The following TMEM263 variants were observed in gnomAD, a reference collection of about 807,000 sequenced individuals.
TMEM263 encodes UPF0444 transmembrane protein C12orf23.
In TMEM263, 5 loss-of-function variants were observed where a neutral mutation model predicts 8.6. The observed-to-expected ratio is 0.58, with a 90% CI of 0.31 to 1.23. The LOEUF is 1.23. Among genes scored for constraint, TMEM263 ranks in the 50% most tolerant of loss-of-function variants. The probability of loss-of-function intolerance (pLI) is 0.07; values close to 1 mark genes in which losing one functional copy is unlikely to be tolerated. For missense variants in TMEM263, 104 were observed against 138.8 expected (o/e 0.75, Z 1.26); for synonymous variants, 50 against 47.9 (o/e 1.04, Z -0.18).
At chr12:106,967,266 A>G (rs753910019) in intron 3 of TMEM263, 86 bp downstream of exon 3, 3 of 925,690 alleles carry the variant, frequency 3.2e-6, no homozygotes, top group Admixed American at 6.0e-5. Flanking sequence ...ATTTTATTTT[A>G]TTTTTTTTTG....
At chr12:106,962,681 A>T (rs952328332) in intron 2 of TMEM263, among the ~76,000 whole-genome samples, 1 of 152,082 alleles carries the variant, frequency 6.6e-6, no homozygotes, top group Non-Finnish European at 1.5e-5. Context: ...TGCCTGCTGA[A>T]CAAGTGTGGA....
At chr12:106,964,116 C>G (rs1023986795) in intron 2 of TMEM263, among the ~76,000 whole-genome samples, 1 of 152,138 alleles carries the variant, frequency 6.6e-6, no homozygotes, top group Non-Finnish European at 1.5e-5. Flanking sequence ...TGTCTGTCCT[C>G]TTGAAATTAA....
chr12:106,959,695 T>C (rs1951743998), intron 2 of TMEM263, among the ~76,000 whole-genome samples: 1 of 152,216 alleles, frequency 6.6e-6, no homozygotes, highest in African/African-American at 2.4e-5. Flanking sequence ...AGGATAGTAA[T>C]ATAAGAAGTA....
intron 1 of TMEM263, 114 bp downstream of exon 1, chr12:106,956,179 C>A: frequency 4.1e-6 from 2 of 491,152 alleles, no homozygotes; most frequent in Non-Finnish European, 5.3e-6. Context: ...GCCTGGCTGC[C>A]CAGCGGGGCC....
Position 106,967,366 on chromosome 12 carries a change from C to G in TMEM263, c.64+186C>G, listed in dbSNP as rs567085561. 53 of 430,186 alleles carry G rather than the reference C, an allele frequency of 1.2e-4. No homozygotes were observed. The South Asian group carries it at 1.7e-3, about 14-fold the overall frequency. The allele number at this position is 430,186 out of a possible 1,614,324, so 26.6% of individuals were successfully genotyped here. A position where few individuals can be genotyped will look rare whatever the true frequency, so the allele number is the denominator to read the frequency against. ...CTCCGCTTCCTGGGTTCAAGCAGTT[C>G]TCCTGCCTCAGCCTCCCAAGTAGCT... On this transcript the variant is annotated intron_variant, in intron 3 of 3. Coordinates refer to ENST00000280756, the MANE Select transcript of TMEM263 (RefSeq NM_152261.4).
Position 106,971,402 on chromosome 12 carries a change from T to C in TMEM263, c.*11T>C. On this transcript the variant is annotated 3_prime_UTR_variant, in exon 4 of 4. Transcript: ENST00000280756. ...GACAAATCTGACTGAAATATAGAGA[T>C]ACACTTGCGCTCCACAGCACTGTAA... 1 of 1,585,726 alleles carries C rather than the reference T, an allele frequency of 6.3e-7. No individual in the cohort carries two copies.
At chr12:106,957,454 GA>G (rs1172519440) in intron 2 of TMEM263, among the ~76,000 whole-genome samples, 1 of 150,742 alleles carries the variant, frequency 6.6e-6, no homozygotes. Flanking sequence ...GCATGGGTTT[GA>G]TTTTTTTTTT....
At chr12:106,961,353 A>G (rs1465340443) in intron 2 of TMEM263, among the ~76,000 whole-genome samples, 1 of 147,102 alleles carries the variant, frequency 6.8e-6, no homozygotes, top group East Asian at 2.0e-4. Context: ...TGGGATTACA[A>G]TATTTTCTTT....
At chr12:106,960,864 C>G (rs1247227359) in intron 2 of TMEM263, among the ~76,000 whole-genome samples, 1 of 152,170 alleles carries the variant, frequency 6.6e-6, no homozygotes, top group Admixed American at 6.5e-5. Context: ...CCTAGGCACA[C>G]CACTGCCTAT....
chr12:106,964,220 A>T (rs958680762), intron 2 of TMEM263, among the ~76,000 whole-genome samples: 4 of 152,208 alleles, frequency 2.6e-5, no homozygotes, highest in African/African-American at 9.6e-5. Flanking sequence ...TTATTTTGGA[A>T]TTTGTTAAAT....
At chr12:106,962,963 G>A (rs1306814950) in intron 2 of TMEM263, among the ~76,000 whole-genome samples, 1 of 152,154 alleles carries the variant, frequency 6.6e-6, no homozygotes, top group Non-Finnish European at 1.5e-5. Context: ...ATTTTAATTG[G>A]GAGAGACCCA....
At chr12:106,956,134 C>T (rs1235974750) in intron 1 of TMEM263, 69 bp downstream of exon 1, 9 of 837,598 alleles carry the variant, frequency 1.1e-5, no homozygotes, top group Non-Finnish European at 1.3e-5. Flanking sequence ...CGCCCTCTGC[C>T]GTCGGCGCCC....
Position 106,972,633 on chromosome 12 carries a change from T to C in TMEM263, c.*1242T>C, listed in dbSNP as rs1369864471. On this transcript the variant is annotated 3_prime_UTR_variant, in exon 4 of 4. Coordinates refer to ENST00000280756, the MANE Select transcript of TMEM263 (RefSeq NM_152261.4). ...GTCAGGGATTTGAATTGTTTGATTA[T>C]GGATGATAAATGTGTCATATCTTAT... 6.6e-6 allele frequency: 1 copy of C among 152,152 alleles called. No homozygotes were observed. Among genetic ancestry groups the C allele is most frequent in the African/African-American group, 2.4e-5 (1 of 41,458 alleles). 9.4% of individuals were successfully genotyped at this position (152,152 alleles called of 1,614,324 possible). A position where few individuals can be genotyped will look rare whatever the true frequency, so the allele number is the denominator to read the frequency against.
chr12:106,971,344 G>A lies in TMEM263; in HGVS notation c.304G>A (p.Val102Ile). Residue 102 changes from valine (V) to isoleucine (I), a missense_variant, in exon 4 of 4, where the codon GTA (valine) becomes ATA (isoleucine). Coordinates refer to ENST00000280756, the MANE Select transcript of TMEM263 (RefSeq NM_152261.4). ...TGTTACAGCTGTTGGGTCTGCTGTT[G>A]TAAACAAAGTGCCCTTAACAGGAAA... ...GGVTAVGSAV[V>I]NKVPLTGKKK... 6.2e-7 allele frequency: 1 copy of A among 1,613,768 alleles called. No homozygotes were observed. The highest frequency in any genetic ancestry group is 8.5e-7 in the Non-Finnish European group (1 of 1,179,800).
chr12:106,956,264 ACTC>A (rs1273640512), intron 1 of TMEM263, among the ~76,000 whole-genome samples, 199 bp downstream of exon 1: 3 of 150,658 alleles, frequency 2.0e-5, no homozygotes, highest in African/African-American at 4.9e-5. Context: ...TTCTGGGGCT[ACTC>A]CTCCTTATAC....
intron 2 of TMEM263, among the ~76,000 whole-genome samples, chr12:106,963,402 A>T (rs957187368): frequency 2.6e-5 from 4 of 152,182 alleles, no homozygotes; most frequent in Non-Finnish European, 5.9e-5. Flanking sequence ...AGAAGTGGTT[A>T]TATTCTGGAT....
intron 2 of TMEM263, among the ~76,000 whole-genome samples, chr12:106,965,724 T>A (rs959861334): frequency 2.0e-5 from 3 of 152,054 alleles, no homozygotes; most frequent in Non-Finnish European, 4.4e-5. Flanking sequence ...TATTTTGTAT[T>A]TATTTATTGC....
At position 106,971,749 on chromosome 12, in the gene TMEM263, T is replaced by C. The variant is rs897532390; in HGVS notation, c.*358T>C. 1.2e-5 allele frequency: 2 copies of C among 168,706 alleles called. No individual in the cohort carries two copies. The highest frequency in any genetic ancestry group is 4.8e-5 in the African/African-American group (2 of 42,024). The allele number at this position is 168,706 out of a possible 1,614,324, so 10.5% of individuals were successfully genotyped here. Reference sequence around the variant, plus strand: ...CCATATGTATAATGTGCCAGGTAACTCACCTGCCCCTTAAGAAGGGAACCT... The same window carrying C: ...CCATATGTATAATGTGCCAGGTAACCCACCTGCCCCTTAAGAAGGGAACCT... On this transcript the variant is annotated 3_prime_UTR_variant, in exon 4 of 4. Coordinates refer to ENST00000280756, the MANE Select transcript of TMEM263 (RefSeq NM_152261.4).
At chr12:106,964,849 C>T (rs986303314) in intron 2 of TMEM263, among the ~76,000 whole-genome samples, 3 of 152,232 alleles carry the variant, frequency 2.0e-5, no homozygotes, top group Admixed American at 2.0e-4. Context: ...ACCTCTGCCT[C>T]TACCACCCTC....
Sources: allele counts gnomAD v4.1 joint callset (sites outside exome capture counted in the v4.1 genomes callset), GRCh38; gene constraint gnomAD v4.1.1; transcripts MANE v1.5; gene names NCBI Gene and HGNC (gene_info 2026-07-23, HGNC 2026-07-21).